Variants in CSMD1 observed in about 807,000 individuals in gnomAD.
The protein encoded by CSMD1 is CUB and Sushi multiple domains 1.
CSMD1 carries 213 observed loss-of-function variants against 417.5 expected under a neutral mutation model. The ratio of observed to expected loss-of-function variants is 0.51; its 90% CI spans 0.46 to 0.57. The LOEUF (loss-of-function observed/expected upper bound fraction) is 0.57, where lower values mean the gene tolerates loss of function less well. Among genes scored for constraint, CSMD1 ranks in the 20% least tolerant of loss-of-function variants. The pLI, the probability that CSMD1 is intolerant of heterozygous loss-of-function variation, is 0.00. For missense variants in CSMD1, 6,923 were observed against 4,529.7 expected, an observed-to-expected ratio of 1.53 and a Z score of -15.17; for synonymous variants, 2,862 against 1,736.8, an observed-to-expected ratio of 1.65 and a Z score of -16.11.
chr8:3,306,254 TTA>T (rs2117375955), intron 25 of CSMD1, among the ~76,000 whole-genome samples: 1 of 152,322 alleles, frequency 6.6e-6, no homozygotes, highest in African/African-American at 2.4e-5. Context: ...AATCATTTGT[TTA>T]TAAATATTTT....
chr8:4,457,171 C>T (rs1331087065), intron 2 of CSMD1, among the ~76,000 whole-genome samples: 1 of 151,802 alleles, frequency 6.6e-6, no homozygotes, highest in Non-Finnish European at 1.5e-5. Context: ...GTTTTACGGA[C>T]CTAGATGTGA....
chr8:4,033,664 G>A (rs12678299), intron 3 of CSMD1, among the ~76,000 whole-genome samples: 30 of 152,014 alleles, frequency 2.0e-4, no homozygotes, highest in African/African-American at 7.0e-4. Context: ...GGCCACTGAT[G>A]ACTCGTATTT....
intron 1 of CSMD1, among the ~76,000 whole-genome samples, chr8:4,892,449 AT>A (rs1804183099): frequency 6.6e-6 from 1 of 152,110 alleles, no homozygotes; most frequent in Non-Finnish European, 1.5e-5. Context: ...TTATAAAAAA[AT>A]AGGTTCATGT....
intron 23 of CSMD1, among the ~76,000 whole-genome samples, chr8:3,339,219 T>C (rs1207650740): frequency 6.6e-6 from 1 of 152,152 alleles, no homozygotes. Context: ...CCACATTTTC[T>C]TGATCCAGCC....
intron 1 of CSMD1, among the ~76,000 whole-genome samples, chr8:4,739,930 G>A (rs1810495629): frequency 6.6e-6 from 1 of 152,066 alleles, no homozygotes; most frequent in South Asian, 2.1e-4. Flanking sequence ...GTTGCTCTCT[G>A]CAGCAACTTA....
At chr8:3,071,579 C>G (rs1471703756) in intron 49 of CSMD1, among the ~76,000 whole-genome samples, 2 of 152,056 alleles carry the variant, frequency 1.3e-5, no homozygotes, top group African/African-American at 2.4e-5. Context: ...AAGCCATATG[C>G]CCCAAAGTAA....
chr8:4,955,589 G>A (rs952104200), intron 1 of CSMD1, among the ~76,000 whole-genome samples: 2 of 152,012 alleles, frequency 1.3e-5, no homozygotes, highest in Admixed American at 6.5e-5. Flanking sequence ...CCGAGTAGCT[G>A]AGATTACAAG....
Position 4,558,355 on chromosome 8 carries a change from T to C in CSMD1, c.302+78987A>G, listed in dbSNP as rs1051696606. On this transcript the variant is annotated intron_variant, in intron 2 of 69. Coordinates refer to ENST00000635120, the MANE Select transcript of CSMD1 (RefSeq NM_033225.6). ...TATGATTTAAAACTCTCCGTAGTAT[T>C]ATATTATGAAGCACCATCACTAAAA... Among the ~76,000 whole-genome samples, 16 of 152,324 alleles carry C rather than the reference T, an allele frequency of 1.1e-4. 1 individual carries two copies. The highest frequency in any genetic ancestry group is 8.3e-4 in the South Asian group (4 of 4,828).
In CSMD1 at chr8:2,951,088, C is replaced by T. The variant is rs372047319; in HGVS notation, c.10201+26G>A. The T allele has an allele frequency of 6.2e-5, 100 of 1,602,676 alleles. No individual in the cohort carries two copies. In the African/African-American group the frequency reaches 6.7e-4, roughly 11 times the overall value. ...CAGGTCTATTTCTGCTCACACCATG[C>T]GTTTAGTGAATTCTTCGGGACCTAC... is the stretch of plus-strand genomic sequence containing the variant. On this transcript the variant is annotated intron_variant, in intron 66 of 69. Transcript: ENST00000635120.
chr8:4,245,401 C>T lies in CSMD1; in HGVS notation c.415+174552G>A, dbSNP rs552261872. 3.3e-5 allele frequency among the ~76,000 whole-genome samples: 5 copies of T among 152,304 alleles called. No individual in the cohort carries two copies. In the East Asian group the frequency reaches 7.7e-4, roughly 23 times the overall value. On this transcript the variant is annotated intron_variant, in intron 3 of 69. Transcript: ENST00000635120. Reference sequence around the variant, plus strand: ...GCCTTTTCTGACAGCCTGATCCACACTCTGATGATGCAAAGGGAGGAGGAG... The same window carrying T: ...GCCTTTTCTGACAGCCTGATCCACATTCTGATGATGCAAAGGGAGGAGGAG...
chr8:3,681,359 A>G (rs1799651592), intron 7 of CSMD1, among the ~76,000 whole-genome samples: 1 of 152,298 alleles, frequency 6.6e-6, no homozygotes, highest in African/African-American at 2.4e-5. Context: ...TACAAAATCA[A>G]TGTGCAAAAA....
rs1367875214 is a variant in CSMD1 at position 4,475,929 on chromosome 8, T to C, written c.303-55864A>G. Among the ~76,000 whole-genome samples the C allele has an allele frequency of 3.3e-5, 5 of 152,256 alleles. No individual in the cohort carries two copies. The East Asian group carries it at 9.7e-4, about 29-fold the overall frequency. ...CACCTGGCTCTTTTATTATACTTTGTTGGTGTTATTGCTGTTGGTTTCATT... is the reference window on the plus strand; with the variant it reads ...CACCTGGCTCTTTTATTATACTTTGCTGGTGTTATTGCTGTTGGTTTCATT... On this transcript the variant is annotated intron_variant, in intron 2 of 69. Coordinates refer to ENST00000635120, the MANE Select transcript of CSMD1 (RefSeq NM_033225.6).
intron 1 of CSMD1, among the ~76,000 whole-genome samples, chr8:4,790,256 T>A (rs1040984210): frequency 6.6e-6 from 1 of 151,924 alleles, no homozygotes; most frequent in Non-Finnish European, 1.5e-5. Flanking sequence ...ATAAAATAAC[T>A]AGGAATACAG....
intron 3 of CSMD1, among the ~76,000 whole-genome samples, chr8:4,280,978 G>C (rs813585): frequency 0.051 from 7,785 of 152,172 alleles, 346 homozygotes; most frequent in South Asian, 0.2. Context: ...CCCAGTAATA[G>C]AATAAAGTAG....
At chr8:3,547,472 G>A (rs1187526742) in intron 10 of CSMD1, among the ~76,000 whole-genome samples, 2 of 152,114 alleles carry the variant, frequency 1.3e-5, no homozygotes, top group Admixed American at 6.5e-5. Context: ...ATGATTGTCC[G>A]TAATGTTTTC....
chr8:4,084,749 C>G (rs569591166), intron 3 of CSMD1, among the ~76,000 whole-genome samples: 2 of 151,822 alleles, frequency 1.3e-5, no homozygotes, highest in East Asian at 3.9e-4. Context: ...ACCCCCACCC[C>G]CCTACCCAAA....
chr8:4,804,112 C>G (rs116546621), intron 1 of CSMD1, among the ~76,000 whole-genome samples: 1 of 152,164 alleles, frequency 6.6e-6, no homozygotes, highest in African/African-American at 2.4e-5. Flanking sequence ...ATTATTTCCA[C>G]AATAACGAGA....
At chr8:4,046,318 G>C (rs980286531) in intron 3 of CSMD1, among the ~76,000 whole-genome samples, 1 of 151,918 alleles carries the variant, frequency 6.6e-6, no homozygotes, top group African/African-American at 2.4e-5. Context: ...TCTTTGTCCT[G>C]GAAGTTAGCT....
chr8:3,254,937 G>A (rs1178571886), intron 26 of CSMD1, among the ~76,000 whole-genome samples: 2 of 152,160 alleles, frequency 1.3e-5, no homozygotes, highest in African/African-American at 2.4e-5. Context: ...TTTGGAGGAG[G>A]AGAGGTGCTC....
Sources: gnomAD v4.1 joint callset for allele counts (sites outside exome capture counted in the v4.1 genomes callset) on GRCh38, gnomAD v4.1.1 for gene constraint, MANE v1.5 for transcripts, NCBI Gene and HGNC (gene_info 2026-07-23, HGNC 2026-07-21) for gene names.